Variants in BLOC1S3 observed in about 807,000 individuals in gnomAD.
BLOC1S3 encodes biogenesis of lysosomal organelles complex 1 subunit 3.
Under a neutral mutation model 9.1 loss-of-function variants are expected in BLOC1S3, and 7 were observed. The observed-to-expected ratio is 0.77, with a 90% CI of 0.44 to 1.45. BLOC1S3 has a LOEUF of 1.45. Ranked by LOEUF, BLOC1S3 falls within the 40% of genes most tolerant of loss-of-function variation. BLOC1S3 has a pLI of 0.01. For synonymous variants in BLOC1S3, 145 were observed against 158.4 expected, an observed-to-expected ratio of 0.92 and a Z score of 0.64; for missense variants, 307 against 315.2, an observed-to-expected ratio of 0.97 and a Z score of 0.20.
intron 2 of BLOC1S3, among the ~76,000 whole-genome samples, chr19:45,199,459 G>T (rs1485093343): frequency 1.3e-5 from 2 of 151,412 alleles, no homozygotes; most frequent in Non-Finnish European, 2.9e-5. Flanking sequence ...GGGATTACAG[G>T]TGCCTGCCAC....
chr19:45,179,972 C>A lies in BLOC1S3; in HGVS notation c.*67C>A. The A allele has an allele frequency of 6.4e-7, 1 of 1,554,956 alleles. No homozygotes were observed. The highest frequency in any genetic ancestry group is 8.7e-7 in the Non-Finnish European group (1 of 1,146,668). On this transcript the variant is annotated 3_prime_UTR_variant, in exon 2 of 2. Transcript: ENST00000433642. This position sits in a 1 kb window ranked among gnomAD's most constrained non-coding sequence, Gnocchi z 4.6. ...GCCTTGCTGCCTCTGGGACCTGACTCTGTCTCCTGTGTCTCTTATCACCCC... is the reference window on the plus strand; with the variant it reads ...GCCTTGCTGCCTCTGGGACCTGACTATGTCTCCTGTGTCTCTTATCACCCC...
chr19:45,208,996 G>A (rs1195287437), intron 3 of BLOC1S3, among the ~76,000 whole-genome samples: 1 of 152,032 alleles, frequency 6.6e-6, no homozygotes, highest in Non-Finnish European at 1.5e-5. Context: ...TTTCAGTTAG[G>A]AGGAGTAAGT....
At chr19:45,209,483 G>T (rs1969751641) in intron 3 of BLOC1S3, among the ~76,000 whole-genome samples, 1 of 151,798 alleles carries the variant, frequency 6.6e-6, no homozygotes, top group South Asian at 2.1e-4. Flanking sequence ...GTGCAGTAAT[G>T]CAATCTCGGC....
Position 45,179,008 on chromosome 19 carries a change from G to A in BLOC1S3, c.-10+177G>A, listed in dbSNP as rs1278013114. 6.6e-6 allele frequency among the ~76,000 whole-genome samples: 1 copy of A among 152,228 alleles called. No individual in the cohort carries two copies. The highest frequency in any genetic ancestry group is 1.9e-4 in the East Asian group (1 of 5,204). On this transcript the variant is annotated intron_variant, in intron 1 of 1. Transcript: ENST00000433642. The surrounding 1 kb of genome is among the most constrained non-coding windows in gnomAD (Gnocchi z 4.6). ...GTGGAGGGTGTGGCCTCTACTAGGA[G>A]GCAAATTCGTAAAGACCTCGGCTTG... is the stretch of plus-strand genomic sequence containing the variant.
At chr19:45,212,359 T>C (rs1969782496) in intron 3 of BLOC1S3, among the ~76,000 whole-genome samples, 1 of 152,212 alleles carries the variant, frequency 6.6e-6, no homozygotes, top group African/African-American at 2.4e-5. Flanking sequence ...CACTCAGGAC[T>C]CAGCCCTTCC....
intron 2 of BLOC1S3, among the ~76,000 whole-genome samples, chr19:45,195,559 TTCCCTCCCTCCC>T (rs762809288): frequency 2.2e-5 from 2 of 91,544 alleles, no homozygotes; most frequent in South Asian, 3.5e-4. Context: ...CCCTCCCTCC[TTCCCTCCCTCCC>T]TCCCTCCCTC....
intron 2 of BLOC1S3, among the ~76,000 whole-genome samples, chr19:45,190,410 T>C (rs1969595765): frequency 6.6e-6 from 1 of 151,874 alleles, no homozygotes. Context: ...GTTTGTTTGT[T>C]TCTTGTTGAG....
At chr19:45,186,715 A>G (rs1376663732), downstream of BLOC1S3, among the ~76,000 whole-genome samples, 1 of 152,010 alleles carries the variant, frequency 6.6e-6, no homozygotes. Flanking sequence ...AACAACAACA[A>G]CAAAAAAAAA....
At chr19:45,202,626 T>C (rs969637915) in intron 3 of BLOC1S3, 8 of 152,296 alleles carry the variant, frequency 5.3e-5, no homozygotes, top group Admixed American at 6.6e-5. Context: ...CAGCAGCTGC[T>C]GGGTGCTCTA....
chr19:45,211,642 C>T (rs549513595), intron 3 of BLOC1S3, among the ~76,000 whole-genome samples: 1 of 151,496 alleles, frequency 6.6e-6, no homozygotes, highest in Admixed American at 6.6e-5. Context: ...GAACCTCAGC[C>T]CAGAGAGGGG....
chr19:45,197,675 A>G (rs2122920178), intron 2 of BLOC1S3, among the ~76,000 whole-genome samples: 1 of 151,880 alleles, frequency 6.6e-6, no homozygotes, highest in Middle Eastern at 3.4e-3. Context: ...AAATACAAAA[A>G]TTAGCCAGGC....
intron 3 of BLOC1S3, chr19:45,213,367 G>A: frequency 6.2e-7 from 1 of 1,612,730 alleles, no homozygotes; most frequent in Non-Finnish European, 8.5e-7. Flanking sequence ...CCTGTGGGGA[G>A]AGGAACAGAC....
At chr19:45,200,939 C>T (rs1435782259) in intron 2 of BLOC1S3, among the ~76,000 whole-genome samples, 2 of 152,154 alleles carry the variant, frequency 1.3e-5, no homozygotes, top group Non-Finnish European at 2.9e-5. Context: ...CAGTGGCTCA[C>T]GCCTGTAATC....
At position 45,215,565 on chromosome 19, in the gene BLOC1S3, GGATGATGAT is replaced by G. The variant is rs369100560; in HGVS notation, n.283-1092_283-1084del. On this transcript the variant is annotated intron_variant and non_coding_transcript_variant, in intron 3 of 3. Transcript: ENST00000591569. ...GAACTGGAATTGTTACTATAGTCAT[GGATGATGAT>G]GATGATGATGATGATGATAAATTTC... is the stretch of plus-strand genomic sequence containing the variant. Among the ~76,000 whole-genome samples, 79 of 152,038 alleles carry G rather than the reference GGATGATGAT, an allele frequency of 5.2e-4. 1 individual carries two copies. Among genetic ancestry groups the G allele is most frequent in the African/African-American group, 1.8e-3 (73 of 41,482 alleles).
chr19:45,210,513 G>A (rs1969760857), intron 3 of BLOC1S3, among the ~76,000 whole-genome samples: 1 of 151,304 alleles, frequency 6.6e-6, no homozygotes, highest in South Asian at 2.1e-4. Context: ...TGGCCAGGCT[G>A]GTCTCGAACT....
chr19:45,185,640 C>G (rs892151608), downstream of BLOC1S3, among the ~76,000 whole-genome samples: 7 of 151,950 alleles, frequency 4.6e-5, no homozygotes, highest in Admixed American at 3.3e-4. Context: ...GATGAATTGT[C>G]TGTTGTGCAT....
At chr19:45,196,959 T>C (rs1162088144) in intron 2 of BLOC1S3, among the ~76,000 whole-genome samples, 1 of 149,776 alleles carries the variant, frequency 6.7e-6, no homozygotes, top group Non-Finnish European at 1.5e-5. Flanking sequence ...TCAGAAGAGT[T>C]TGAGTGGGGA....
chr19:45,209,191 G>A (rs567455164), intron 3 of BLOC1S3, among the ~76,000 whole-genome samples: 88 of 151,884 alleles, frequency 5.8e-4, no homozygotes, highest in African/African-American at 2.1e-3. Flanking sequence ...TGGGATTACA[G>A]GCGAGCACCA....
At chr19:45,211,771 T>C (rs1969773432) in intron 3 of BLOC1S3, among the ~76,000 whole-genome samples, 1 of 150,252 alleles carries the variant, frequency 6.7e-6, no homozygotes, top group Non-Finnish European at 1.5e-5. Flanking sequence ...TGCTAACCCC[T>C]GGCTGCCTCC....
Sources: allele counts gnomAD v4.1 joint callset (sites outside exome capture counted in the v4.1 genomes callset), GRCh38; gene constraint gnomAD v4.1.1; non-coding constraint Gnocchi (gnomAD v3.1); transcripts MANE v1.5; gene names NCBI Gene and HGNC (gene_info 2026-07-23, HGNC 2026-07-21).